BIRC6: variants seen among roughly 807,000 people sequenced by gnomAD.
BIRC6 encodes baculoviral IAP repeat containing 6, also known as dual E2 ubiquitin-conjugating enzyme/E3 ubiquitin-protein ligase BIRC6.
Under a neutral mutation model 503.3 loss-of-function variants are expected in BIRC6, and 98 were observed. The ratio of observed to expected loss-of-function variants is 0.19; its 90% CI spans 0.17 to 0.23. The LOEUF is 0.23. BIRC6 is among the 10% of genes least tolerant of loss of function. BIRC6 has a pLI of 1.00. For synonymous variants in BIRC6, 2,240 were observed against 2,078.7 expected (o/e 1.08, Z -2.11); for missense variants, 5,360 against 5,806.0 (o/e 0.92, Z 2.50).
rs773928708 is a variant in BIRC6, at chr2:32,463,257, C to T, written c.4817C>T (p.Ser1606Leu). 3.1e-6 allele frequency: 5 copies of T among 1,613,582 alleles called. No individual in the cohort carries two copies. Among genetic ancestry groups the T allele is most frequent in the Non-Finnish European group, 2.5e-6 (3 of 1,179,704 alleles). ...TCATCTGGGACAGTTGGGGAAGCCT[C>T]GACAGCCCTGAGTTCAGCAGCCCAG... is the stretch of plus-strand genomic sequence containing the variant. The part of the protein sequence containing the change: ...GLSSGTVGEA[S>L]TALSSAAQVA... The change falls in exon 24 of 74, where the codon TCG (serine) becomes TTG (leucine). Residue 1606 changes from serine (S) to leucine (L), a missense_variant. Physicochemically the swap from Ser to Leu is moderately radical, Grantham distance 145. Around this residue, in one of 16 missense-constraint regions of BIRC6, gnomAD observed 2,299 missense variants for 2,267.2 expected, o/e 1.01. Coordinates refer to ENST00000421745, the MANE Select transcript of BIRC6 (RefSeq NM_016252.4).
chr2:32,533,867 A>G (rs2056979358), intron 61 of BIRC6, among the ~76,000 whole-genome samples: 1 of 152,214 alleles, frequency 6.6e-6, no homozygotes, highest in African/African-American at 2.4e-5. Flanking sequence ...GAATTTTAAA[A>G]TAATAAATTG....
chr2:32,609,657 C>T (rs1305805582), intron 72 of BIRC6, among the ~76,000 whole-genome samples: 1 of 150,932 alleles, frequency 6.6e-6, no homozygotes, highest in Non-Finnish European at 1.5e-5. Flanking sequence ...ATTTATATTC[C>T]AGTGTCCTTT....
chr2:32,510,326 AC>A (rs1252799637), intron 52 of BIRC6, among the ~76,000 whole-genome samples, 199 bp from the exon 53 acceptor site: 3 of 152,128 alleles, frequency 2.0e-5, no homozygotes, highest in Non-Finnish European at 4.4e-5. Context: ...TGATCCACCC[AC>A]CTTGGCCTCC....
At chr2:32,486,818 T>C (rs898080634) in intron 40 of BIRC6, among the ~76,000 whole-genome samples, 1 of 152,194 alleles carries the variant, frequency 6.6e-6, no homozygotes, top group Non-Finnish European at 1.5e-5. Context: ...TAGTGTTCTA[T>C]AATCTCAGTA....
chr2:32,579,384 A>C lies in BIRC6; in HGVS notation c.13355+4018A>C, dbSNP rs952132996. Among the ~76,000 whole-genome samples the C allele has an allele frequency of 7.6e-4, 116 of 152,168 alleles. 1 individual carries two copies. The highest frequency in any genetic ancestry group is 2.7e-3 in the African/African-American group (112 of 41,504). Reference sequence around the variant, plus strand: ...TAGGTTTGTGCGCCCCCAAGCCCAAAACCCTTACAAGAGGAGATAAAAAGA... The same window carrying C: ...TAGGTTTGTGCGCCCCCAAGCCCAACACCCTTACAAGAGGAGATAAAAAGA... On this transcript the variant is annotated intron_variant, in intron 66 of 73. Transcript: ENST00000421745.
chr2:32,510,606 A>G lies in BIRC6; in HGVS notation c.10318A>G (p.Thr3440Ala). 1 of 1,605,284 alleles carries G rather than the reference A, an allele frequency of 6.2e-7. No individual in the cohort carries two copies. Among genetic ancestry groups the G allele is most frequent in the African/African-American group, 1.3e-5 (1 of 74,866 alleles). ...STIDILYQLG[T>A]TQDPGTKDRI... ...GATAGATATTCTTTACCAGCTTGGA[A>G]CAACTCAGGATCCTGGTACAAAAGA... The change falls in exon 53 of 74, where the codon ACA (threonine) becomes GCA (alanine). Residue 3440 changes from threonine (T) to alanine (A), a missense_variant. Transcript: ENST00000421745.
At chr2:32,577,643 T>C (rs1479691676) in intron 66 of BIRC6, among the ~76,000 whole-genome samples, 1 of 152,218 alleles carries the variant, frequency 6.6e-6, no homozygotes, top group Admixed American at 6.5e-5. Flanking sequence ...TGGACACCTA[T>C]AGTGCCTCTT....
At chr2:32,574,381 G>T (rs901150205) in intron 65 of BIRC6, among the ~76,000 whole-genome samples, 7 of 151,864 alleles carry the variant, frequency 4.6e-5, no homozygotes, top group African/African-American at 1.7e-4. Flanking sequence ...GCCTCCCAAA[G>T]GTCTGGGATT....
At chr2:32,442,770 C>G (rs1290255561) in intron 19 of BIRC6, among the ~76,000 whole-genome samples, 1 of 152,170 alleles carries the variant, frequency 6.6e-6, no homozygotes, top group African/African-American at 2.4e-5. Flanking sequence ...GTTGTCTTTT[C>G]TTGCCCTAAA....
intron 22 of BIRC6, among the ~76,000 whole-genome samples, chr2:32,453,209 A>G (rs1488061343): frequency 6.6e-6 from 1 of 152,136 alleles, no homozygotes; most frequent in African/African-American, 2.4e-5. Flanking sequence ...TTGTGGCTAC[A>G]TGGTTTTTTC....
At chr2:32,545,966 C>T (rs879216697) in intron 63 of BIRC6, 106 bp downstream of exon 63, 13 of 965,112 alleles carry the variant, frequency 1.3e-5, no homozygotes, top group Non-Finnish European at 2.0e-5. Flanking sequence ...TTGGGTGTTC[C>T]ATTTTCACAT....
chr2:32,397,675 C>T (rs986573241), intron 6 of BIRC6, among the ~76,000 whole-genome samples: 3 of 121,130 alleles, frequency 2.5e-5, no homozygotes, highest in Admixed American at 9.4e-5. Flanking sequence ...TATATATATA[C>T]ACACACACAT....
chr2:32,603,831 A>G (rs1225207058), intron 71 of BIRC6, among the ~76,000 whole-genome samples: 3 of 151,912 alleles, frequency 2.0e-5, no homozygotes, highest in Non-Finnish European at 2.9e-5. Context: ...ATGAGCCTAC[A>G]TTATGGATTA....
At position 32,595,053 on chromosome 2, in the gene BIRC6, C is replaced by T; in HGVS notation, c.13521C>T (p.Tyr4507=). 6.3e-7 allele frequency: 1 copy of T among 1,597,754 alleles called. No individual in the cohort carries two copies. The change falls in exon 68 of 74, where the codon TAC becomes TAT. Residue 4507 remains tyrosine (Y), a synonymous_variant. Coordinates refer to ENST00000421745, the MANE Select transcript of BIRC6 (RefSeq NM_016252.4). ...TAACAGAAAAAAAACTGGGTGAATA[C>T]TCCAAGAAGGCGGCTATGAAACCCA... is the stretch of plus-strand genomic sequence containing the variant. ...QANQEKKLGE[Y]SKKAAMKPKP... is the part of the protein sequence containing the mutation.
intron 8 of BIRC6, among the ~76,000 whole-genome samples, chr2:32,405,665 T>TTTA (rs2041123698): frequency 6.6e-6 from 1 of 152,218 alleles, no homozygotes; most frequent in Non-Finnish European, 1.5e-5. Context: ...TTTTCCTATA[T>TTTA]GTAAAGGAGT....
At chr2:32,512,269 G>A (rs953783006) in intron 53 of BIRC6, among the ~76,000 whole-genome samples, 5 of 152,088 alleles carry the variant, frequency 3.3e-5, no homozygotes, top group Admixed American at 6.6e-5. Flanking sequence ...TTCTGAAATA[G>A]AAATTGAAGG....
At chr2:32,453,096 A>T (rs1288689044) in intron 22 of BIRC6, among the ~76,000 whole-genome samples, 1 of 151,318 alleles carries the variant, frequency 6.6e-6, no homozygotes. Context: ...ATTGCAAAGT[A>T]GTGAATATAA....
At chr2:32,495,900 C>T (rs564008416) in intron 45 of BIRC6, among the ~76,000 whole-genome samples, 19 of 146,990 alleles carry the variant, frequency 1.3e-4, no homozygotes, top group South Asian at 4.4e-4. Flanking sequence ...TGCAGTGGTA[C>T]GATCTCGGCT....
chr2:32,519,839 G>A (rs1572773430), intron 57 of BIRC6, among the ~76,000 whole-genome samples: 1 of 152,128 alleles, frequency 6.6e-6, no homozygotes, highest in Admixed American at 6.5e-5. Context: ...TAGATAGTTG[G>A]AGTGTATTGC....
Sources: gnomAD v4.1 joint callset for allele counts (sites outside exome capture counted in the v4.1 genomes callset) on GRCh38, gnomAD v4.1.1 for gene constraint, gnomAD v4.1.1 regional missense constraint, MANE v1.5 for transcripts, NCBI Gene and HGNC (gene_info 2026-07-23, HGNC 2026-07-21) for gene names.